HECTD4: variants seen among roughly 807,000 people sequenced by gnomAD.
The protein encoded by HECTD4 is HECT domain E3 ubiquitin protein ligase 4.
In HECTD4, 114 loss-of-function variants were observed where a neutral mutation model predicts 471.5. The observed-to-expected ratio is 0.24, with a 90% CI of 0.21 to 0.28. HECTD4 has a LOEUF of 0.28. Ranked by LOEUF, HECTD4 falls within the 10% of genes least tolerant of loss-of-function variation. The pLI is 1.00. For missense variants in HECTD4, 3,866 were observed against 5,651.5 expected (o/e 0.68, Z 10.13); for synonymous variants, 2,012 against 2,256.0 (o/e 0.89, Z 3.07).
intron 59 of HECTD4, among the ~76,000 whole-genome samples, chr12:112,191,943 G>A (rs2032094399): frequency 6.6e-6 from 1 of 152,184 alleles, no homozygotes; most frequent in African/African-American, 2.4e-5. Context: ...TGCCAAGGAG[G>A]AGCAGTGGAG....
At chr12:112,375,745 C>A (rs1417884925) in intron 1 of HECTD4, among the ~76,000 whole-genome samples, 1 of 151,886 alleles carries the variant, frequency 6.6e-6, no homozygotes, top group African/African-American at 2.4e-5. Flanking sequence ...TTTTATTTCT[C>A]TTAAATGTAT....
chr12:112,179,472 C>T lies in HECTD4; in HGVS notation c.10988-75G>A. On this transcript the variant is annotated intron_variant, in intron 62 of 75. Transcript: ENST00000682272. This position sits in a 1 kb window ranked among gnomAD's most constrained non-coding sequence, Gnocchi z 4.3. Reference sequence around the variant, plus strand: ...GACAAGCCCTGCGAGCATTCTGTTTCCAAACACTGTTTGAAAGGGGCAGTG... The same window carrying T: ...GACAAGCCCTGCGAGCATTCTGTTTTCAAACACTGTTTGAAAGGGGCAGTG... 3 of 1,305,366 alleles carry T rather than the reference C, an allele frequency of 2.3e-6. No homozygotes were observed. Among genetic ancestry groups the T allele is most frequent in the Non-Finnish European group, 3.2e-6 (3 of 927,268 alleles). The allele number at this position is 1,305,366 out of a possible 1,614,324, so 80.9% of individuals were successfully genotyped here.
chr12:112,272,466 G>A (rs2135624015), intron 11 of HECTD4, among the ~76,000 whole-genome samples: 1 of 152,332 alleles, frequency 6.6e-6, no homozygotes, highest in East Asian at 1.9e-4. Flanking sequence ...CCTTGAGCCA[G>A]TAATACTTTC....
intron 68 of HECTD4, 119 bp from the exon 69 acceptor site, chr12:112,170,571 G>T: frequency 1.5e-6 from 2 of 1,339,736 alleles, no homozygotes; most frequent in Non-Finnish European, 2.0e-6. Context: ...TGGCAGTAGA[G>T]CCGGGCCCTG....
intron 1 of HECTD4, among the ~76,000 whole-genome samples, chr12:112,372,863 T>TTCAGCC (rs1191793475): frequency 6.6e-6 from 1 of 152,050 alleles, no homozygotes; most frequent in African/African-American, 2.4e-5. Context: ...CAAGTAATTT[T>TTCAGCC]TCAGCCTCAG....
intron 3 of HECTD4, among the ~76,000 whole-genome samples, chr12:112,314,108 G>A (rs1221275643): frequency 2.0e-5 from 3 of 151,862 alleles, no homozygotes; most frequent in South Asian, 2.1e-4. Flanking sequence ...GTGTGATCTC[G>A]ACTTACTGTA....
Position 112,382,045 on chromosome 12 carries a change from G to T in HECTD4, c.84C>A (p.Ile28=). The change falls in exon 1 of 76, where the codon ATC becomes ATA. Residue 28 remains isoleucine, a synonymous_variant. Coordinates refer to ENST00000682272, the MANE Select transcript of HECTD4 (RefSeq NM_001388303.1). ...AQWLSVKEET[I]FLHDGLIRVT... The stretch of plus-strand genomic sequence containing the variant: ...CCCGGATCAGCCCGTCGTGCAGGAA[G>T]ATGGTCTCTTCCTTCACCGAGAGCC... 1 of 1,224,912 alleles carries T rather than the reference G, an allele frequency of 8.2e-7. No homozygotes were observed. The allele number at this position is 1,224,912 out of a possible 1,614,324, so 75.9% of individuals were successfully genotyped here. A position where few individuals can be genotyped will look rare whatever the true frequency, so the allele number is the denominator to read the frequency against.
intron 3 of HECTD4, among the ~76,000 whole-genome samples, chr12:112,313,363 G>A (rs1362810344): frequency 6.6e-6 from 1 of 151,168 alleles, no homozygotes; most frequent in Non-Finnish European, 1.5e-5. Flanking sequence ...CACCCAGGCT[G>A]GAGTGCAGTG....
At chr12:112,209,768 T>C (rs2032707572) in intron 50 of HECTD4, among the ~76,000 whole-genome samples, 2 of 152,252 alleles carry the variant, frequency 1.3e-5, no homozygotes, top group Admixed American at 1.3e-4. Context: ...GGGGCTCTAG[T>C]GGTCTTGCAC....
chr12:112,269,004 A>G (rs1022809729), intron 13 of HECTD4, among the ~76,000 whole-genome samples: 17 of 144,966 alleles, frequency 1.2e-4, no homozygotes, highest in South Asian at 1.1e-3. Flanking sequence ...CCTCCCGTGT[A>G]GCTGGGACTA....
intron 4 of HECTD4, among the ~76,000 whole-genome samples, chr12:112,312,253 T>A (rs2035388761): frequency 6.6e-6 from 1 of 152,198 alleles, no homozygotes; most frequent in Non-Finnish European, 1.5e-5. Context: ...TTTCATCAGT[T>A]ATGTAAGATT....
chr12:112,290,863 CA>C (rs1333873159), intron 7 of HECTD4, among the ~76,000 whole-genome samples: 45 of 117,028 alleles, frequency 3.8e-4, no homozygotes, highest in Admixed American at 4.6e-4. Flanking sequence ...AAAAACAAAA[CA>C]AAAAAAAAAA....
intron 70 of HECTD4, among the ~76,000 whole-genome samples, chr12:112,168,754 A>G (rs1256868569): frequency 2.6e-5 from 4 of 152,244 alleles, no homozygotes; most frequent in Non-Finnish European, 5.9e-5. Flanking sequence ...GTAGAGTCCC[A>G]GTTTCCCTAT....
At chr12:112,356,706 G>T (rs941122956) in intron 1 of HECTD4, among the ~76,000 whole-genome samples, 1 of 152,096 alleles carries the variant, frequency 6.6e-6, no homozygotes, top group Non-Finnish European at 1.5e-5. Flanking sequence ...CCAAAGTGCT[G>T]GGAGGCATGA....
chr12:112,339,578 T>TA (rs1206521003), intron 1 of HECTD4, among the ~76,000 whole-genome samples: 1 of 151,904 alleles, frequency 6.6e-6, no homozygotes, highest in Non-Finnish European at 1.5e-5. Context: ...CACAGGAAAA[T>TA]AAGGGGTGTG....
chr12:112,326,491 T>TCAAAAA (rs560709837), intron 1 of HECTD4, among the ~76,000 whole-genome samples: 1 of 152,068 alleles, frequency 6.6e-6, no homozygotes, highest in Non-Finnish European at 1.5e-5. Context: ...AGACCCTGTC[T>TCAAAAA]CAAAAACAAA....
Position 112,228,690 on chromosome 12 carries a change from G to A in HECTD4, c.6641C>T (p.Thr2214Ile), listed in dbSNP as rs201183593. The part of the protein sequence containing the change: ...DCRKTSQASD[T>I]LTIPLSRLCV... ...AAGTCTAGACAATGGAATAGTCAAT[G>A]TGTCTGACGCTTGCGAAGTCTTTCT... Residue 2214 changes from threonine (T) to isoleucine (I), a missense_variant, in exon 42 of 76, where the codon ACA (threonine) becomes ATA (isoleucine). Physicochemically the swap from Thr to Ile is moderately conservative, Grantham distance 89. Around this residue, in one of 16 missense-constraint regions of HECTD4, gnomAD observed 617 missense variants for 915.1 expected, o/e 0.67. Transcript: ENST00000682272. This position sits in a 1 kb window ranked among gnomAD's most constrained non-coding sequence, Gnocchi z 4.9. 1.2e-6 allele frequency: 2 copies of A among 1,612,486 alleles called. No homozygotes were observed. The highest frequency in any genetic ancestry group is 1.7e-6 in the Non-Finnish European group (2 of 1,179,560).
chr12:112,216,469 C>T, intron 47 of HECTD4, 98 bp from the exon 48 acceptor site: 2 of 822,286 alleles, frequency 2.4e-6, no homozygotes, highest in Non-Finnish European at 4.0e-6. Context: ...GGGGGGTGGT[C>T]AGCATTGTGA....
At chr12:112,207,267 C>T (rs910661308) in intron 52 of HECTD4, among the ~76,000 whole-genome samples, 6 of 152,146 alleles carry the variant, frequency 3.9e-5, no homozygotes, top group African/African-American at 1.4e-4. Flanking sequence ...TCTCAGCCAC[C>T]GGAGTAGCTT....
Sources: gnomAD v4.1 joint callset for allele counts (sites outside exome capture counted in the v4.1 genomes callset) on GRCh38, gnomAD v4.1.1 for gene constraint, gnomAD v4.1.1 regional missense constraint, Gnocchi (gnomAD v3.1) non-coding constraint, MANE v1.5 for transcripts, NCBI Gene and HGNC (gene_info 2026-07-23, HGNC 2026-07-21) for gene names.